CHN1: variants seen among roughly 807,000 people sequenced by gnomAD.
CHN1 encodes N-chimaerin.
Under a neutral mutation model 59.5 loss-of-function variants are expected in CHN1, and 37 were observed. The ratio of observed to expected loss-of-function variants is 0.62; its 90% confidence interval spans 0.48 to 0.82. CHN1 has a LOEUF of 0.82. CHN1 is among the 40% of genes least tolerant of loss of function. CHN1 has a pLI of 0.00. For missense variants in CHN1, 469 were observed against 571.0 expected (o/e 0.82, Z 1.82); for synonymous variants, 206 against 200.4 (o/e 1.03, Z -0.24).
intron 5 of CHN1, among the ~76,000 whole-genome samples, chr2:174,903,207 C>G (rs1268929655): frequency 6.6e-6 from 1 of 152,178 alleles, no homozygotes; most frequent in African/African-American, 2.4e-5. Context: ...TCCTCATAGG[C>G]ACTGAAGCTA....
At chr2:174,963,828 A>C (rs1690503251) in intron 1 of CHN1, among the ~76,000 whole-genome samples, 1 of 152,210 alleles carries the variant, frequency 6.6e-6, no homozygotes, top group Non-Finnish European at 1.5e-5. Context: ...GAGCCGACTC[A>C]CAAGAGCACA....
At chr2:174,990,871 A>G (rs1396923206) in intron 1 of CHN1, among the ~76,000 whole-genome samples, 1 of 152,200 alleles carries the variant, frequency 6.6e-6, no homozygotes, top group East Asian at 1.9e-4. Flanking sequence ...TTGAGATACA[A>G]ATCTCAGAAT....
At chr2:174,851,308 C>A (rs1334245632) in intron 6 of CHN1, among the ~76,000 whole-genome samples, 1 of 151,896 alleles carries the variant, frequency 6.6e-6, no homozygotes, top group Non-Finnish European at 1.5e-5. Context: ...GAGACAAGGT[C>A]TCACTCTATT....
intron 7 of CHN1, among the ~76,000 whole-genome samples, chr2:174,828,785 A>AG (rs940109300): frequency 1.3e-5 from 2 of 152,178 alleles, no homozygotes; most frequent in Non-Finnish European, 2.9e-5. Context: ...AGGGTTCACA[A>AG]GGGGTGCAAG....
intron 11 of CHN1, among the ~76,000 whole-genome samples, chr2:174,807,274 C>T (rs1375656998): frequency 1.3e-5 from 2 of 152,124 alleles, no homozygotes; most frequent in African/African-American, 4.8e-5. Context: ...GTGTGGAGTT[C>T]AGAACCTGGG....
intron 5 of CHN1, among the ~76,000 whole-genome samples, chr2:174,897,862 AC>A (rs1283798266): frequency 1.3e-5 from 2 of 152,182 alleles, no homozygotes; most frequent in Admixed American, 1.3e-4. Flanking sequence ...GAAGGAAAGA[AC>A]CCACTTAAAG....
At chr2:174,958,811 C>T (rs1176916193) in intron 1 of CHN1, among the ~76,000 whole-genome samples, 1 of 152,150 alleles carries the variant, frequency 6.6e-6, no homozygotes, top group East Asian at 1.9e-4. Context: ...TAAATAAGAA[C>T]CCTCTCCTGC....
At chr2:174,940,016 C>CTTTTATTTTA (rs199787118) in intron 3 of CHN1, among the ~76,000 whole-genome samples, 1 of 151,882 alleles carries the variant, frequency 6.6e-6, no homozygotes, top group African/African-American at 2.4e-5. Context: ...ATAATTATTA[C>CTTTTATTTTA]TTTTATTTTA....
At chr2:174,844,804 C>T (rs371322210) in intron 7 of CHN1, among the ~76,000 whole-genome samples, 9 of 152,164 alleles carry the variant, frequency 5.9e-5, no homozygotes, top group African/African-American at 2.2e-4. Flanking sequence ...GAGTCAATTC[C>T]GAGATTTCTG....
intron 6 of CHN1, among the ~76,000 whole-genome samples, chr2:174,864,927 A>G (rs922671867): frequency 6.6e-6 from 1 of 152,156 alleles, no homozygotes; most frequent in African/African-American, 2.4e-5. Context: ...CTTATGTGTA[A>G]TTTACACAAC....
intron 7 of CHN1, among the ~76,000 whole-genome samples, chr2:174,846,054 TCTAA>T (rs1016491235): frequency 1.3e-5 from 2 of 152,172 alleles, no homozygotes; most frequent in Non-Finnish European, 1.5e-5. Context: ...CACAAAGTTG[TCTAA>T]CTATTGGGAA....
intron 7 of CHN1, among the ~76,000 whole-genome samples, chr2:174,829,469 C>T (rs983398862): frequency 1.3e-5 from 2 of 152,228 alleles, no homozygotes; most frequent in African/African-American, 4.8e-5. Context: ...TGCTTCTCAT[C>T]ATGTTTACAG....
chr2:174,879,853 G>T (rs1687682466), intron 5 of CHN1, among the ~76,000 whole-genome samples: 1 of 152,120 alleles, frequency 6.6e-6, no homozygotes, highest in Non-Finnish European at 1.5e-5. Context: ...AACAATCCAA[G>T]CAATGGTGTC....
intron 7 of CHN1, chr2:174,846,438 C>T (rs2105435171): frequency 6.5e-7 from 1 of 1,531,296 alleles, no homozygotes; most frequent in Non-Finnish European, 8.8e-7. Flanking sequence ...AAGACAGAAA[C>T]TATGAGAAAT....
chr2:174,961,432 A>C (rs1001077289), intron 1 of CHN1, among the ~76,000 whole-genome samples: 1 of 151,786 alleles, frequency 6.6e-6, no homozygotes, highest in African/African-American at 2.4e-5. Context: ...TCTCTACTAA[A>C]AATACAAAAT....
intron 1 of CHN1, among the ~76,000 whole-genome samples, chr2:174,975,527 G>A (rs1240118805): frequency 6.6e-6 from 1 of 151,490 alleles, no homozygotes; most frequent in Admixed American, 6.6e-5. Context: ...ATACAACCAC[G>A]AAAACATTAT....
rs139037792 is a variant in CHN1, at chr2:174,936,127, T to C, written c.114+8761A>G. On this transcript the variant is annotated intron_variant, in intron 3 of 12. Coordinates refer to ENST00000409900, the MANE Select transcript of CHN1 (RefSeq NM_001822.7). ...GTCCAGCCTCAGTCTACTTTACCCA[T>C]TTAGCCTAGAGAAAGACAACCTCAT... is the stretch of plus-strand genomic sequence containing the variant. Among the ~76,000 whole-genome samples, 852 of 152,302 alleles carry C rather than the reference T, an allele frequency of 5.6e-3. 7 individuals carry two copies. The highest frequency in any genetic ancestry group is 0.02 in the African/African-American group (812 of 41,568).
chr2:174,893,741 C>T (rs1688124226), intron 5 of CHN1, among the ~76,000 whole-genome samples: 1 of 152,050 alleles, frequency 6.6e-6, no homozygotes, highest in Admixed American at 6.6e-5. Context: ...TATAACAAAG[C>T]TACAAAGCTA....
chr2:174,882,652 C>T (rs184118648), intron 5 of CHN1, among the ~76,000 whole-genome samples: 1 of 152,236 alleles, frequency 6.6e-6, no homozygotes, highest in East Asian at 1.9e-4. Flanking sequence ...CTCGTCTAAG[C>T]TTACAATAAA....
Sources: gnomAD v4.1 joint callset for allele counts (sites outside exome capture counted in the v4.1 genomes callset) on GRCh38, gnomAD v4.1.1 for gene constraint, MANE v1.5 for transcripts, NCBI Gene and HGNC (gene_info 2026-07-23, HGNC 2026-07-21) for gene names.